Variants in DENND4C observed in about 807,000 individuals in gnomAD.
DENND4C encodes the protein DENN domain containing 4C, also known as DENN domain-containing protein 4C.
In DENND4C, 108 loss-of-function variants were observed where a neutral mutation model predicts 203.0. The ratio of observed to expected loss-of-function variants is 0.53; its 90% CI spans 0.46 to 0.62. The LOEUF is 0.62. DENND4C is among the 20% of genes least tolerant of loss of function. The pLI is 0.00. For synonymous variants in DENND4C, 871 were observed against 792.4 expected, an observed-to-expected ratio of 1.10 and a Z score of -1.67; for missense variants, 2,481 against 2,301.2, an observed-to-expected ratio of 1.08 and a Z score of -1.60.
intron 1 of DENND4C, among the ~76,000 whole-genome samples, chr9:19,260,710 T>C (rs1163679004): frequency 3.3e-5 from 5 of 152,218 alleles, no homozygotes; most frequent in Non-Finnish European, 7.3e-5. Flanking sequence ...GTTCTGGTTA[T>C]TAATACCTTA....
intron 1 of DENND4C, among the ~76,000 whole-genome samples, chr9:19,243,756 A>G (rs1441432244): frequency 6.6e-6 from 1 of 152,154 alleles, no homozygotes; most frequent in Non-Finnish European, 1.5e-5. Flanking sequence ...AGGCATTTAC[A>G]TTGCTTCTAC....
chr9:19,360,177 T>G, intron 28 of DENND4C, 67 bp from the exon 29 acceptor site: 3 of 1,495,528 alleles, frequency 2.0e-6, no homozygotes, highest in Non-Finnish European at 2.7e-6. Context: ...ATTATCTCAT[T>G]GAGAAGTGCT....
chr9:19,259,462 A>T (rs1828808322), intron 1 of DENND4C, among the ~76,000 whole-genome samples: 1 of 150,998 alleles, frequency 6.6e-6, no homozygotes. Context: ...ATGGCTGAAT[A>T]GTACTCCGTT....
rs890002093 is a variant in DENND4C at position 19,267,526 on chromosome 9, A to T, written c.-17-8632A>T. 5.3e-5 allele frequency among the ~76,000 whole-genome samples: 8 copies of T among 151,962 alleles called. No individual in the cohort carries two copies. The East Asian group carries it at 1.4e-3, about 26-fold the overall frequency. On this transcript the variant is annotated intron_variant, in intron 1 of 32. Coordinates refer to ENST00000434457, the MANE Select transcript of DENND4C (RefSeq NM_001330640.2). ...GTGAAGTGTGTTTCTTTTTTAAAAA[A>T]TTTTACTTAAAGTTTTTTTGTTTTT...
chr9:19,280,966 C>G (rs1158992251), intron 2 of DENND4C, among the ~76,000 whole-genome samples: 1 of 152,064 alleles, frequency 6.6e-6, no homozygotes, highest in African/African-American at 2.4e-5. Context: ...GTCTTGAGCT[C>G]CTGGACTCAA....
At chr9:19,321,944 G>A (rs1353165147) in intron 12 of DENND4C, among the ~76,000 whole-genome samples, 1 of 152,122 alleles carries the variant, frequency 6.6e-6, no homozygotes, top group East Asian at 1.9e-4. Flanking sequence ...TAGATAGGAG[G>A]AGGGACATAT....
chr9:19,316,039 C>G (rs186084385), intron 10 of DENND4C, among the ~76,000 whole-genome samples: 7 of 152,052 alleles, frequency 4.6e-5, no homozygotes, highest in Non-Finnish European at 1.0e-4. Flanking sequence ...TACTTAAATT[C>G]CAGTTCTTGT....
chr9:19,307,881 A>G (rs1588887606), intron 10 of DENND4C, among the ~76,000 whole-genome samples: 1 of 151,988 alleles, frequency 6.6e-6, no homozygotes, highest in South Asian at 2.1e-4. Flanking sequence ...TCCAACCATC[A>G]TCTTGGATAA....
Position 19,357,003 on chromosome 9 carries a change from A to C in DENND4C, c.4813A>C (p.Ser1605Arg). The change falls in exon 27 of 33, where the codon AGT (serine) becomes CGT (arginine). Residue 1605 changes from serine (S) to arginine (R), a missense_variant. Transcript: ENST00000434457. Reference protein sequence around the residue: ...FFLKPSTSGDSLQSGSIPLAN... With the variant: ...FFLKPSTSGDRLQSGSIPLAN... ...CCTGAAACCAAGTACCTCTGGTGAC[A>C]GTTTACAAAGTGGAAGCATTCCATT... 1 of 1,613,888 alleles carries C rather than the reference A, an allele frequency of 6.2e-7. No individual in the cohort carries two copies.
chr9:19,354,374 A>G (rs1325131010), intron 26 of DENND4C, among the ~76,000 whole-genome samples: 2 of 152,182 alleles, frequency 1.3e-5, no homozygotes, highest in African/African-American at 2.4e-5. Context: ...TGATTTTAGT[A>G]AACACAAAAT....
chr9:19,232,608 C>A (rs1820858416), intron 1 of DENND4C, among the ~76,000 whole-genome samples: 1 of 152,118 alleles, frequency 6.6e-6, no homozygotes, highest in South Asian at 2.1e-4. Context: ...AGAGTAAATA[C>A]AGTATTTTGT....
At chr9:19,242,255 C>G (rs989239952) in intron 1 of DENND4C, among the ~76,000 whole-genome samples, 2 of 152,100 alleles carry the variant, frequency 1.3e-5, no homozygotes, top group African/African-American at 4.8e-5. Flanking sequence ...GGTTTGCTAG[C>G]TCATTTATTT....
intron 1 of DENND4C, among the ~76,000 whole-genome samples, chr9:19,267,916 A>G (rs936538714): frequency 3.9e-5 from 6 of 152,082 alleles, no homozygotes; most frequent in African/African-American, 1.4e-4. Context: ...TGATTGGAGA[A>G]TTTAGTCTGT....
chr9:19,309,042 T>A (rs1588889626), intron 10 of DENND4C, among the ~76,000 whole-genome samples: 1 of 152,210 alleles, frequency 6.6e-6, no homozygotes, highest in East Asian at 1.9e-4. Flanking sequence ...AGTAGATTGA[T>A]TAGTGATTGC....
At chr9:19,288,900 CAT>C (rs1272361508) in intron 4 of DENND4C, among the ~76,000 whole-genome samples, 13 of 152,150 alleles carry the variant, frequency 8.5e-5, no homozygotes, top group South Asian at 4.1e-4. Context: ...CTAAAGCAAA[CAT>C]ATGTGGAATA....
intron 1 of DENND4C, among the ~76,000 whole-genome samples, chr9:19,240,576 G>C (rs955871995): frequency 6.6e-6 from 1 of 151,680 alleles, no homozygotes; most frequent in African/African-American, 2.4e-5. Context: ...TGAGGCAGGA[G>C]AATCACTTGA....
intron 23 of DENND4C, among the ~76,000 whole-genome samples, chr9:19,349,735 A>G (rs1283051745): frequency 1.3e-5 from 2 of 152,244 alleles, no homozygotes; most frequent in African/African-American, 2.4e-5. Context: ...TGTTTAAGCA[A>G]CAGGGGAGTT....
chr9:19,353,131 C>A (rs1263342855), intron 26 of DENND4C, among the ~76,000 whole-genome samples: 1 of 152,166 alleles, frequency 6.6e-6, no homozygotes, highest in African/African-American at 2.4e-5. Flanking sequence ...CAACTCTTCT[C>A]TTGTCACTTG....
At chr9:19,306,559 C>T (rs559520424) in intron 10 of DENND4C, among the ~76,000 whole-genome samples, 167 of 152,058 alleles carry the variant, frequency 1.1e-3, no homozygotes, top group African/African-American at 3.7e-3. Context: ...GGAATGTATT[C>T]ATTGTGGTAC....
Sources: allele counts gnomAD v4.1 joint callset (sites outside exome capture counted in the v4.1 genomes callset), GRCh38; gene constraint gnomAD v4.1.1; transcripts MANE v1.5; gene names NCBI Gene and HGNC (gene_info 2026-07-23, HGNC 2026-07-21).